Variants in TSEN2 observed in about 807,000 individuals in gnomAD.
The protein encoded by TSEN2 is tRNA splicing endonuclease subunit 2, also known as tRNA-splicing endonuclease subunit Sen2.
Under a neutral mutation model 59.2 loss-of-function variants are expected in TSEN2, and 54 were observed. That is an observed-to-expected ratio of 0.91 (90% confidence interval 0.73 to 1.14). The LOEUF (loss-of-function observed/expected upper bound fraction) is 1.14. Ranked by LOEUF, TSEN2 falls within the 50% of genes most tolerant of loss-of-function variation. TSEN2 has a pLI of 0.00. For synonymous variants in TSEN2, 195 were observed against 198.2 expected, an observed-to-expected ratio of 0.98 and a Z score of 0.14; for missense variants, 636 against 576.2, an observed-to-expected ratio of 1.10 and a Z score of -1.06.
intron 3 of TSEN2, among the ~76,000 whole-genome samples, chr3:12,496,207 G>C (rs1183558431): frequency 6.6e-6 from 1 of 152,242 alleles, no homozygotes; most frequent in East Asian, 1.9e-4. Context: ...AAGTTGGAAT[G>C]AGCATTCAGC....
At chr3:12,496,627 A>G (rs1208937775) in intron 4 of TSEN2, 73 bp downstream of exon 4, 4 of 1,483,968 alleles carry the variant, frequency 2.7e-6, no homozygotes, top group South Asian at 1.1e-5. Context: ...GTCTTGTCCC[A>G]TGTAGCAGTC....
chr3:12,520,615 C>T (rs1212298633), intron 8 of TSEN2, among the ~76,000 whole-genome samples: 1 of 152,076 alleles, frequency 6.6e-6, no homozygotes, highest in Non-Finnish European at 1.5e-5. Flanking sequence ...CATGGTGAAA[C>T]CCCGTTTCTA....
chr3:12,505,783 C>CAAAA (rs34334319), intron 6 of TSEN2, among the ~76,000 whole-genome samples: 2 of 84,638 alleles, frequency 2.4e-5, no homozygotes, highest in African/African-American at 4.4e-5. Flanking sequence ...AACTCTGTCT[C>CAAAA]AAAAAAAAAA....
chr3:12,488,972 A>G (rs2052932462), intron 1 of TSEN2, among the ~76,000 whole-genome samples: 1 of 152,230 alleles, frequency 6.6e-6, no homozygotes, highest in Non-Finnish European at 1.5e-5. Context: ...AATACTAATT[A>G]TAGCTGATAC....
intron 1 of TSEN2, among the ~76,000 whole-genome samples, chr3:12,489,302 G>A (rs1273125088): frequency 6.6e-6 from 1 of 152,140 alleles, no homozygotes; most frequent in Non-Finnish European, 1.5e-5. Flanking sequence ...AGTGTGTATT[G>A]TAAGATCCTC....
intron 6 of TSEN2, among the ~76,000 whole-genome samples, chr3:12,507,268 C>G (rs996183843): frequency 6.6e-6 from 1 of 152,180 alleles, no homozygotes; most frequent in Non-Finnish European, 1.5e-5. Flanking sequence ...AAACACTGAA[C>G]AGCCACGTGT....
rs75482042 is a variant in TSEN2 at position 12,530,685 on chromosome 3, G to T, written c.1248+812G>T. The T allele has an allele frequency of 0.093, 91,854 of 985,242 alleles. 4,615 individuals are homozygous for T. Among genetic ancestry groups the T allele is most frequent in the Non-Finnish European group, 0.1 (84,738 of 829,878 alleles). The allele number at this position is 985,242 out of a possible 1,614,324, so 61.0% of individuals were successfully genotyped here. ...GTTAGGTTGCCTAGGCTTTAGCTTG[G>T]TCCTATAGAAAATTAGGGAGCCTAT... On this transcript the variant is annotated intron_variant, in intron 10 of 11. Coordinates refer to ENST00000284995, the MANE Select transcript of TSEN2 (RefSeq NM_025265.4).
intron 10 of TSEN2, chr3:12,530,264 T>G: frequency 9.9e-7 from 1 of 1,006,742 alleles, no homozygotes; most frequent in Non-Finnish European, 1.2e-6. Context: ...AGTTTGCAGA[T>G]CTCTTAGAGA....
chr3:12,530,566 A>C lies in TSEN2; in HGVS notation c.1248+693A>C, dbSNP rs78708503. ...TTTGCTGGCTGAAAACAAATTGTAG[A>C]TACCCTCTAATTTCATCCTCATGCT... On this transcript the variant is annotated intron_variant, in intron 10 of 11. Coordinates refer to ENST00000284995, the MANE Select transcript of TSEN2 (RefSeq NM_025265.4). The C allele has an allele frequency of 3.2e-3, 3,108 of 985,518 alleles. 8 individuals carry two copies. Among genetic ancestry groups the C allele is most frequent in the Admixed American group, 3.9e-3 (64 of 16,280 alleles). The allele number at this position is 985,518 out of a possible 1,614,324, so 61.0% of individuals were successfully genotyped here.
chr3:12,510,802 C>T (rs980703358), intron 6 of TSEN2, among the ~76,000 whole-genome samples: 1 of 152,162 alleles, frequency 6.6e-6, no homozygotes, highest in Non-Finnish European at 1.5e-5. Flanking sequence ...AGGTCAGTGA[C>T]TTTCCTTCTA....
intron 4 of TSEN2, among the ~76,000 whole-genome samples, chr3:12,499,779 G>A (rs2054110581): frequency 6.6e-6 from 1 of 152,188 alleles, no homozygotes. Flanking sequence ...ACTGCCATGA[G>A]GTGGGTCCTG....
chr3:12,525,917 A>G (rs1165218824), intron 8 of TSEN2, among the ~76,000 whole-genome samples: 4 of 152,154 alleles, frequency 2.6e-5, no homozygotes, highest in East Asian at 3.9e-4. Flanking sequence ...TTGCACTATG[A>G]CAGCATGATG....
intron 6 of TSEN2, among the ~76,000 whole-genome samples, chr3:12,508,586 AAGTCTGCTCAGC>A (rs2055085760): frequency 1.3e-5 from 2 of 152,248 alleles, no homozygotes; most frequent in Admixed American, 1.3e-4. Context: ...GCTAACTTAG[AAGTCTGCTCAGC>A]GCTGACATGG....
intron 8 of TSEN2, 35 bp downstream of exon 8, chr3:12,519,232 G>A: frequency 6.2e-7 from 1 of 1,613,490 alleles, no homozygotes; most frequent in Non-Finnish European, 8.5e-7. Context: ...TGTGAGAATA[G>A]AGTTTATATC....
Position 12,489,883 on chromosome 3 carries a change from G to T in TSEN2, c.83G>T (p.Gly28Val). The change falls in exon 2 of 12, where the codon GGT becomes GTT. Residue 28 changes from glycine to valine, a missense_variant. By Grantham distance (109) the Gly-to-Val change is moderately radical. Transcript: ENST00000284995. The part of the protein sequence containing the change: ...TYESPLPIPF[G>V]QDHGPLKEFK... Reference sequence around the variant, plus strand: ...GAGTCTCCATTGCCAATCCCTTTTGGTCAGGACCATGGTCCTCTGAAAGAA... The same window carrying T: ...GAGTCTCCATTGCCAATCCCTTTTGTTCAGGACCATGGTCCTCTGAAAGAA... 3 of 1,614,016 alleles carry T rather than the reference G, an allele frequency of 1.9e-6. No homozygotes were observed. Among genetic ancestry groups the T allele is most frequent in the Non-Finnish European group, 2.5e-6 (3 of 1,179,984 alleles).
intron 6 of TSEN2, among the ~76,000 whole-genome samples, chr3:12,507,358 G>A (rs1200216595): frequency 3.3e-5 from 5 of 152,146 alleles, no homozygotes; most frequent in African/African-American, 7.2e-5. Flanking sequence ...ACATGTACCC[G>A]TTCTTAGATG....
chr3:12,495,818 C>T lies in TSEN2; in HGVS notation c.272-700C>T, dbSNP rs182127242. On this transcript the variant is annotated intron_variant, in intron 3 of 11. Transcript: ENST00000284995. ...AGGCAGAGTTAGGAAAAGACCAGGA[C>T]GAAAACCCAGACCACTGGGTGACCT... Among the ~76,000 whole-genome samples the T allele has an allele frequency of 8.2e-3, 1,247 of 152,236 alleles. 13 individuals carry two copies. The highest frequency in any genetic ancestry group is 0.028 in the African/African-American group (1,150 of 41,536).
At chr3:12,539,478 C>G (rs1024618346) in exon 11 of TSEN2, 1 of 191,148 alleles carries the variant, frequency 5.2e-6, no homozygotes, top group Non-Finnish European at 1.1e-5. Flanking sequence ...AGAAGGTACT[C>G]ATTACTTCAT....
At chr3:12,498,496 C>T (rs2053976223) in intron 4 of TSEN2, among the ~76,000 whole-genome samples, 1 of 152,128 alleles carries the variant, frequency 6.6e-6, no homozygotes, top group African/African-American at 2.4e-5. Context: ...ATTTTTTAAT[C>T]CCTTTGCCAT....
Sources: allele counts gnomAD v4.1 joint callset (sites outside exome capture counted in the v4.1 genomes callset), GRCh38; gene constraint gnomAD v4.1.1; transcripts MANE v1.5; gene names NCBI Gene and HGNC (gene_info 2026-07-23, HGNC 2026-07-21).